MITF: variants seen among roughly 807,000 people sequenced by gnomAD.
MITF encodes the protein melanocyte inducing transcription factor.
Under a neutral mutation model 60.5 loss-of-function variants are expected in MITF, and 17 were observed. That is an observed-to-expected ratio of 0.28 (90% CI 0.19 to 0.42). The LOEUF (loss-of-function observed/expected upper bound fraction) is 0.42. Ranked by LOEUF, MITF falls within the 10% of genes least tolerant of loss-of-function variation. The probability of loss-of-function intolerance (pLI) is 1.00; values close to 1 mark genes in which losing one functional copy is unlikely to be tolerated. For missense variants in MITF, 622 were observed against 683.5 expected (o/e 0.91, Z 1.00); for synonymous variants, 260 against 248.5 (o/e 1.05, Z -0.43).
At chr3:69,886,316 G>A (rs1480623160) in intron 2 of MITF, among the ~76,000 whole-genome samples, 1 of 152,006 alleles carries the variant, frequency 6.6e-6, no homozygotes, top group East Asian at 1.9e-4. Context: ...TTGACAACGT[G>A]GATATTAATT....
rs146759697 is a variant in MITF, at chr3:69,874,907, T to C, written c.105-4227T>C. ...GATAGTTCAGAGCCCATGTCCAAAATACCTATACCATCACAGAGAAGAGGG... is the reference window on the plus strand; with the variant it reads ...GATAGTTCAGAGCCCATGTCCAAAACACCTATACCATCACAGAGAAGAGGG... On this transcript the variant is annotated intron_variant, in intron 1 of 9. Transcript: ENST00000352241. Among the ~76,000 whole-genome samples, 8 of 152,258 alleles carry C rather than the reference T, an allele frequency of 5.3e-5. No homozygotes were observed. The East Asian group carries it at 1.5e-3, about 29-fold the overall frequency.
chr3:69,816,032 A>T (rs1315979424), intron 1 of MITF, among the ~76,000 whole-genome samples: 3 of 152,104 alleles, frequency 2.0e-5, no homozygotes, highest in Non-Finnish European at 4.4e-5. Context: ...TGCAGGTTGG[A>T]ACTTGAATGT....
intron 2 of MITF, among the ~76,000 whole-genome samples, chr3:69,923,261 C>G (rs746839149): frequency 6.6e-6 from 1 of 152,118 alleles, no homozygotes; most frequent in African/African-American, 2.4e-5. Flanking sequence ...TCTGCTACTT[C>G]GTAGGATTGT....
chr3:69,967,007 T>C lies in MITF; in HGVS notation c.*1759T>C, dbSNP rs1212678033. On this transcript the variant is annotated 3_prime_UTR_variant, in exon 10 of 10. Transcript: ENST00000352241. ...ATTTTTAATATTAAATATATTTTAG[T>C]GACAGAGTGCCAACTTCTTTCATCA... The C allele has an allele frequency of 8.6e-6, 2 of 232,106 alleles. No individual in the cohort carries two copies. The highest frequency in any genetic ancestry group is 1.7e-5 in the Non-Finnish European group (2 of 117,132). 14.4% of individuals were successfully genotyped at this position (232,106 alleles called of 1,614,324 possible).
chr3:69,968,070 CT>C lies in MITF; in HGVS notation c.*2824del, dbSNP rs1185777204. 1 of 233,318 alleles carries C rather than the reference CT, an allele frequency of 4.3e-6. No homozygotes were observed. Among genetic ancestry groups the C allele is most frequent in the Non-Finnish European group, 8.5e-6 (1 of 117,918 alleles). 14.5% of individuals were successfully genotyped at this position (233,318 alleles called of 1,614,324 possible). On this transcript the variant is annotated 3_prime_UTR_variant, in exon 10 of 10. Transcript: ENST00000352241. ...GAAGTTAAAAGCACAAAGGAATGAA[CT>C]TATTAATATTTTTGAAAAATGCACT... is the stretch of plus-strand genomic sequence containing the variant.
chr3:69,849,880 T>C (rs1024626766), intron 1 of MITF, among the ~76,000 whole-genome samples: 12 of 152,216 alleles, frequency 7.9e-5, no homozygotes, highest in Admixed American at 2.0e-4. Context: ...TTCTTTACTC[T>C]GGGGTCTCTC....
At chr3:69,739,810 TGC>T in intron 1 of MITF, 109 bp downstream of exon 1, 1 of 792,948 alleles carries the variant, frequency 1.3e-6, no homozygotes, top group Non-Finnish European at 2.1e-6. Context: ...AAGGACCCAG[TGC>T]CCTTGCCCCG....
chr3:69,898,563 T>C lies in MITF; in HGVS notation c.354+19180T>C, dbSNP rs571255477. Among the ~76,000 whole-genome samples the C allele has an allele frequency of 1.1e-3, 169 of 152,312 alleles. 6 individuals are homozygous for C. In the South Asian group the frequency reaches 0.035, roughly 31 times the overall value. On this transcript the variant is annotated intron_variant, in intron 2 of 9. Coordinates refer to ENST00000352241, the MANE Select transcript of MITF (RefSeq NM_001354604.2). ...AGAAGATGTGATCCTTGAGAAGTAC[T>C]CTGGAACATGCCAGTAGGACAGAGA... is the stretch of plus-strand genomic sequence containing the variant.
intron 1 of MITF, among the ~76,000 whole-genome samples, chr3:69,810,593 A>G (rs1458852005): frequency 1.3e-5 from 2 of 152,210 alleles, no homozygotes; most frequent in Non-Finnish European, 2.9e-5. Context: ...ATGTAATTTC[A>G]ACATTATCTG....
rs750566139 is a variant in MITF at position 69,965,050 on chromosome 3, C to T, written c.1383C>T (p.Leu461=). The change falls in exon 10 of 10, where the codon CTC becomes CTT. Residue 461 remains leucine, a synonymous_variant. Transcript: ENST00000352241. Reference sequence around the variant, plus strand: ...GCACCATCACCTTCAACAACAACCTCGGAACTGGGACTGAGGCCAACCAAG... The same window carrying T: ...GCACCATCACCTTCAACAACAACCTTGGAACTGGGACTGAGGCCAACCAAG... ...TDGTITFNNN[L]GTGTEANQAY... The T allele has an allele frequency of 7.4e-6, 12 of 1,613,970 alleles. No individual in the cohort carries two copies. The highest frequency in any genetic ancestry group is 6.7e-5 in the Admixed American group (4 of 60,002).
intron 4 of MITF, among the ~76,000 whole-genome samples, chr3:69,939,825 A>G (rs923413137): frequency 1.3e-5 from 2 of 152,206 alleles, no homozygotes; most frequent in African/African-American, 4.8e-5. Flanking sequence ...TATTACATCA[A>G]GCCCACTAAT....
intron 2 of MITF, among the ~76,000 whole-genome samples, chr3:69,909,116 A>C (rs868625041): frequency 6.6e-6 from 1 of 151,840 alleles, no homozygotes; most frequent in South Asian, 2.1e-4. Flanking sequence ...TGTGGGAAGG[A>C]CCCGGGGGGT....
chr3:69,770,848 G>C (rs1220660881), intron 1 of MITF, among the ~76,000 whole-genome samples: 1 of 152,176 alleles, frequency 6.6e-6, no homozygotes, highest in Non-Finnish European at 1.5e-5. Flanking sequence ...TATTAGGACA[G>C]GTTTCTTTGA....
intron 2 of MITF, among the ~76,000 whole-genome samples, chr3:69,921,740 C>T (rs2065472355): frequency 6.6e-6 from 1 of 152,170 alleles, no homozygotes; most frequent in African/African-American, 2.4e-5. Context: ...ATTCCTGGGG[C>T]TTGACTAGTT....
At chr3:69,775,182 G>A (rs1016581684) in intron 1 of MITF, among the ~76,000 whole-genome samples, 3 of 152,054 alleles carry the variant, frequency 2.0e-5, no homozygotes, top group South Asian at 4.2e-4. Flanking sequence ...ATATGCATCC[G>A]TATGTTCAGT....
At chr3:69,833,375 A>G (rs1256669458) in intron 1 of MITF, among the ~76,000 whole-genome samples, 1 of 152,048 alleles carries the variant, frequency 6.6e-6, no homozygotes, top group Non-Finnish European at 1.5e-5. Context: ...TTTACACTGT[A>G]TGTGGTTGTT....
rs140881982 is a variant in MITF, at chr3:69,954,499, G to A, written c.956-1956G>A. Reference sequence around the variant, plus strand: ...AGTCTACCTGAGGGAGGTGAGTGCAGTGCTGTTCACATATCTGGAGGTACA... The same window carrying A: ...AGTCTACCTGAGGGAGGTGAGTGCAATGCTGTTCACATATCTGGAGGTACA... On this transcript the variant is annotated intron_variant, in intron 7 of 9. Coordinates refer to ENST00000352241, the MANE Select transcript of MITF (RefSeq NM_001354604.2). Among the ~76,000 whole-genome samples the A allele has an allele frequency of 1.1e-4, 17 of 152,304 alleles. No individual in the cohort carries two copies. In the East Asian group the frequency reaches 3.1e-3, roughly 28 times the overall value.
intron 1 of MITF, among the ~76,000 whole-genome samples, chr3:69,808,036 A>G (rs983594226): frequency 3.3e-5 from 5 of 149,306 alleles, no homozygotes; most frequent in East Asian, 3.9e-4. Context: ...AAATGGGAGC[A>G]TTGCTCAGAA....
chr3:69,886,071 A>G (rs2064609525), intron 2 of MITF, among the ~76,000 whole-genome samples: 1 of 152,128 alleles, frequency 6.6e-6, no homozygotes, highest in Admixed American at 6.6e-5. Context: ...TTGAACTCAT[A>G]TAGTTGAACT....
Sources: allele counts gnomAD v4.1 joint callset (sites outside exome capture counted in the v4.1 genomes callset), GRCh38; gene constraint gnomAD v4.1.1; transcripts MANE v1.5; gene names NCBI Gene and HGNC (gene_info 2026-07-23, HGNC 2026-07-21).